The following MPRIP variants were observed in gnomAD, a reference collection of about 807,000 sequenced individuals.
MPRIP encodes the protein myosin phosphatase Rho interacting protein, also known as myosin phosphatase Rho-interacting protein.
Under a neutral mutation model 234.9 loss-of-function variants are expected in MPRIP, and 59 were observed. The ratio of observed to expected loss-of-function variants is 0.25; its 90% CI spans 0.20 to 0.31. The LOEUF is 0.31. Among genes scored for constraint, MPRIP ranks in the 10% least tolerant of loss-of-function variants. MPRIP has a pLI of 1.00. For missense variants in MPRIP, 2,436 were observed against 3,071.0 expected (o/e 0.79, Z 4.89); for synonymous variants, 1,144 against 1,263.9 (o/e 0.91, Z 2.01).
chr17:17,066,203 C>T (rs1173358010), intron 1 of MPRIP, among the ~76,000 whole-genome samples: 1 of 152,188 alleles, frequency 6.6e-6, no homozygotes. Context: ...GCCATCATTG[C>T]CTAGTTCCTG....
Position 17,189,714 on chromosome 17 carries a change from C to T in MPRIP, c.*4820C>T, listed in dbSNP as rs1289764150. 3 of 152,164 alleles carry T rather than the reference C, an allele frequency of 2.0e-5. No homozygotes were observed. Among genetic ancestry groups the T allele is most frequent in the Admixed American group, 1.3e-4 (2 of 15,276 alleles). 9.4% of individuals were successfully genotyped at this position (152,164 alleles called of 1,614,324 possible). A position where few individuals can be genotyped will look rare whatever the true frequency, so the allele number is the denominator to read the frequency against. On this transcript the variant is annotated 3_prime_UTR_variant, in exon 24 of 24. Transcript: ENST00000651222. The stretch of plus-strand genomic sequence containing the variant: ...AGATAAAAGTCCTGGCTAGGGGAGC[C>T]ATAGGTCTGTTGTACAAGGAATTTG...
chr17:17,157,153 C>T (rs1204714449), intron 13 of MPRIP, among the ~76,000 whole-genome samples: 1 of 152,196 alleles, frequency 6.6e-6, no homozygotes, highest in Non-Finnish European at 1.5e-5. Flanking sequence ...CAAACACTCC[C>T]AGCCTCCTTG....
chr17:17,184,246 C>T (rs1252731546), intron 23 of MPRIP, among the ~76,000 whole-genome samples: 1 of 152,228 alleles, frequency 6.6e-6, no homozygotes, highest in Non-Finnish European at 1.5e-5. Context: ...TTACTAGATA[C>T]GTTGGCGTGT....
intron 4 of MPRIP, among the ~76,000 whole-genome samples, 188 bp downstream of exon 4, chr17:17,127,041 C>T (rs1339943586): frequency 6.6e-6 from 1 of 152,202 alleles, no homozygotes; most frequent in Non-Finnish European, 1.5e-5. Flanking sequence ...TTCACCATTC[C>T]ACCTGCAGCC....
At chr17:17,184,729 C>A in intron 23 of MPRIP, 94 bp from the exon 24 acceptor site, 2 of 908,040 alleles carry the variant, frequency 2.2e-6, no homozygotes, top group Non-Finnish European at 3.6e-6. Flanking sequence ...TGACTGATGC[C>A]GGCTCCACCA....
intron 5 of MPRIP, among the ~76,000 whole-genome samples, chr17:17,133,474 T>C (rs2090636209): frequency 6.6e-6 from 1 of 152,116 alleles, no homozygotes; most frequent in South Asian, 2.1e-4. Context: ...GGCATTCTCA[T>C]GGCCTAGGGT....
intron 16 of MPRIP, 102 bp downstream of exon 16, chr17:17,168,017 A>G (rs759017636): frequency 1.0e-4 from 95 of 927,524 alleles, no homozygotes; most frequent in Non-Finnish European, 1.3e-4. Flanking sequence ...TTGAGGGGAT[A>G]TGCTGCTGTC....
chr17:17,054,413 G>A (rs536639732), intron 1 of MPRIP, among the ~76,000 whole-genome samples: 1 of 152,304 alleles, frequency 6.6e-6, no homozygotes, highest in South Asian at 2.1e-4. Context: ...TCATTCATGC[G>A]TTTTCCAGCT....
At chr17:17,129,802 C>A (rs2090562019) in intron 4 of MPRIP, among the ~76,000 whole-genome samples, 1 of 152,362 alleles carries the variant, frequency 6.6e-6, no homozygotes, top group East Asian at 1.9e-4. Context: ...ATGCTCCACA[C>A]CTTGGTGAAG....
At chr17:17,123,461 G>A (rs2090430953) in intron 3 of MPRIP, among the ~76,000 whole-genome samples, 1 of 152,072 alleles carries the variant, frequency 6.6e-6, no homozygotes. Flanking sequence ...TCAGGAGTTC[G>A]AGACCAGCCT....
At chr17:17,069,823 CT>C (rs2089151441) in intron 1 of MPRIP, among the ~76,000 whole-genome samples, 1 of 152,110 alleles carries the variant, frequency 6.6e-6, no homozygotes, top group South Asian at 2.1e-4. Flanking sequence ...TATTTACCCC[CT>C]CCCTCCCTTT....
intron 3 of MPRIP, among the ~76,000 whole-genome samples, chr17:17,090,780 T>TG (rs1017675387): frequency 6.6e-6 from 1 of 152,168 alleles, no homozygotes; most frequent in Non-Finnish European, 1.5e-5. Context: ...CTGGGCGATC[T>TG]GGGGGTTTTG....
chr17:17,110,184 A>G (rs573253895), intron 3 of MPRIP, among the ~76,000 whole-genome samples: 19 of 152,222 alleles, frequency 1.2e-4, no homozygotes, highest in African/African-American at 3.9e-4. Flanking sequence ...CTCTCTGACC[A>G]TGTGATCTCT....
At chr17:17,143,718 G>A (rs2144514547) in intron 9 of MPRIP, 49 bp downstream of exon 9, 1 of 1,296,752 alleles carries the variant, frequency 7.7e-7, no homozygotes, top group Non-Finnish European at 1.1e-6. Context: ...TCTGCTTCTG[G>A]TCACTCTGAG....
Position 17,137,955 on chromosome 17 carries a change from G to T in MPRIP, c.776G>T (p.Arg259Leu). Reference sequence around the variant, plus strand: ...AGTAGCGACCGCATGGACTGTGGCCGCAAAGTCCGGGTGGAGAGCGGCTAC... The same window carrying T: ...AGTAGCGACCGCATGGACTGTGGCCTCAAAGTCCGGGTGGAGAGCGGCTAC... ...AMSSDRMDCGRKVRVESGYFS... is the reference protein window; with the variant it reads ...AMSSDRMDCGLKVRVESGYFS... The change falls in exon 7 of 24, where the codon CGC becomes CTC. Residue 259 changes from arginine (R) to leucine (L), a missense_variant. This residue lies in a region of MPRIP where 267 missense variants were observed against 252.7 expected (regional missense o/e 1.06). Transcript: ENST00000651222. 1.2e-6 allele frequency: 2 copies of T among 1,611,602 alleles called. No homozygotes were observed. Among genetic ancestry groups the T allele is most frequent in the Non-Finnish European group, 1.7e-6 (2 of 1,178,942 alleles).
chr17:17,152,442 G>A (rs2045624256), intron 12 of MPRIP, among the ~76,000 whole-genome samples: 2 of 152,224 alleles, frequency 1.3e-5, no homozygotes, highest in East Asian at 1.9e-4. Context: ...CTTCACCCTG[G>A]TAGGGCTTAT....
Position 17,154,522 on chromosome 17 carries a change from A to C in MPRIP, c.1829+107A>C, listed in dbSNP as rs184776576. 33 of 840,942 alleles carry C rather than the reference A, an allele frequency of 3.9e-5. No homozygotes were observed. In the East Asian group the frequency reaches 8.5e-4, roughly 22 times the overall value. The allele number at this position is 840,942 out of a possible 1,614,324, so 52.1% of individuals were successfully genotyped here. The stretch of plus-strand genomic sequence containing the variant: ...GAAGTCTGAGACCTGAGCTCAGTGC[A>C]TCCCAGTCTGCTGCTCCTTCCTTCC... On this transcript the variant is annotated intron_variant, in intron 13 of 23. Coordinates refer to ENST00000651222, the MANE Select transcript of MPRIP (RefSeq NM_001364716.4).
At chr17:17,099,214 C>T (rs534562882) in intron 3 of MPRIP, among the ~76,000 whole-genome samples, 4 of 152,154 alleles carry the variant, frequency 2.6e-5, no homozygotes, top group Non-Finnish European at 5.9e-5. Context: ...GGACACACTC[C>T]CCGTCCTCTG....
At chr17:17,091,443 G>A (rs1342192248) in intron 3 of MPRIP, among the ~76,000 whole-genome samples, 1 of 152,182 alleles carries the variant, frequency 6.6e-6, no homozygotes, top group Non-Finnish European at 1.5e-5. Context: ...GCCCGGATTG[G>A]TGTGAACAGG....
Sources: gnomAD v4.1 joint callset for allele counts (sites outside exome capture counted in the v4.1 genomes callset) on GRCh38, gnomAD v4.1.1 for gene constraint, gnomAD v4.1.1 regional missense constraint, MANE v1.5 for transcripts, NCBI Gene and HGNC (gene_info 2026-07-23, HGNC 2026-07-21) for gene names.